Variants in PLA2R1 observed in about 807,000 individuals in gnomAD.
The protein encoded by PLA2R1 is phospholipase A2 receptor 1.
Under a neutral mutation model 195.9 loss-of-function variants are expected in PLA2R1, and 158 were observed. That is an observed-to-expected ratio of 0.81 (90% CI 0.71 to 0.92). The LOEUF (loss-of-function observed/expected upper bound fraction) is 0.92. Among genes scored for constraint, PLA2R1 ranks in the 40% least tolerant of loss-of-function variants. The pLI is 0.00. For synonymous variants in PLA2R1, 586 were observed against 598.2 expected, an observed-to-expected ratio of 0.98 and a Z score of 0.30; for missense variants, 1,626 against 1,764.6, an observed-to-expected ratio of 0.92 and a Z score of 1.41.
intron 6 of PLA2R1, among the ~76,000 whole-genome samples, chr2:160,025,588 C>CAAAAA (rs56365741): frequency 1.4e-3 from 74 of 52,852 alleles, no homozygotes; most frequent in South Asian, 1.8e-3. Flanking sequence ...AACCATAAAG[C>CAAAAA]AAAAAAAAAA....
intron 20 of PLA2R1, among the ~76,000 whole-genome samples, chr2:159,964,484 C>G (rs545717363): frequency 6.6e-6 from 1 of 152,218 alleles, no homozygotes; most frequent in East Asian, 1.9e-4. Flanking sequence ...TGAATATTAG[C>G]TACAAGTTTC....
At chr2:160,060,608 C>G (rs1191153298) in intron 1 of PLA2R1, among the ~76,000 whole-genome samples, 1 of 152,170 alleles carries the variant, frequency 6.6e-6, no homozygotes, top group Non-Finnish European at 1.5e-5. Context: ...CAAATTGCAC[C>G]TAGTAGGTAC....
At chr2:159,929,483 CA>C (rs1686542469), downstream of PLA2R1, among the ~76,000 whole-genome samples, 1 of 135,380 alleles carries the variant, frequency 7.4e-6, no homozygotes, top group Non-Finnish European at 1.7e-5. Context: ...TGGCCATAAC[CA>C]AAAAAATATA....
intron 10 of PLA2R1, among the ~76,000 whole-genome samples, chr2:160,006,927 T>G (rs28634122): frequency 0.76 from 114,486 of 151,570 alleles, 43,566 homozygotes; most frequent in East Asian, 0.88. Flanking sequence ...GAGAAAAGAA[T>G]AAAAAGAAGT....
rs1484064802 is a variant in PLA2R1 at position 159,969,378 on chromosome 2, T to C, written c.2661-19A>G. 1.5e-6 allele frequency: 2 copies of C among 1,347,498 alleles called. No individual in the cohort carries two copies. The highest frequency in any genetic ancestry group is 2.1e-6 in the Non-Finnish European group (2 of 939,386). 83.5% of individuals were successfully genotyped at this position (1,347,498 alleles called of 1,614,324 possible). A position where few individuals can be genotyped will look rare whatever the true frequency, so the allele number is the denominator to read the frequency against. ...TCTCCAGCTGTGGGAAGATTAAAAA[T>C]GTTAAGGTCTTCTCTCATTCTGCAT... is the stretch of plus-strand genomic sequence containing the variant. On this transcript the variant is annotated intron_variant, in intron 18 of 29. Coordinates refer to ENST00000283243, the MANE Select transcript of PLA2R1 (RefSeq NM_007366.5).
chr2:159,954,067 C>T (rs1687930874), intron 23 of PLA2R1, among the ~76,000 whole-genome samples: 1 of 152,168 alleles, frequency 6.6e-6, no homozygotes, highest in African/African-American at 2.4e-5. Context: ...CTCCTGAGCT[C>T]AGTCAATCCA....
intron 6 of PLA2R1, among the ~76,000 whole-genome samples, chr2:160,026,927 A>G (rs1693558655): frequency 6.6e-6 from 1 of 152,216 alleles, no homozygotes; most frequent in African/African-American, 2.4e-5. Context: ...TCAGGTCAGG[A>G]GTTCGAGACC....
intron 7 of PLA2R1, 40 bp downstream of exon 7, chr2:160,022,625 A>C (rs918814755): frequency 1.6e-6 from 2 of 1,232,272 alleles, no homozygotes; most frequent in Non-Finnish European, 2.3e-6. Context: ...TTACTACATT[A>C]TATTTTATGC....
At chr2:160,003,062 A>G (rs1691712345) in intron 11 of PLA2R1, among the ~76,000 whole-genome samples, 1 of 152,026 alleles carries the variant, frequency 6.6e-6, no homozygotes, top group Non-Finnish European at 1.5e-5. Context: ...ACAGAAAATG[A>G]GAATGTAGGT....
At chr2:159,990,444 G>T (rs997894023) in intron 11 of PLA2R1, among the ~76,000 whole-genome samples, 1 of 152,146 alleles carries the variant, frequency 6.6e-6, no homozygotes, top group Non-Finnish European at 1.5e-5. Flanking sequence ...CCACCTCCCT[G>T]TTCAAATACC....
At chr2:160,029,868 G>A (rs1693753951) in intron 4 of PLA2R1, among the ~76,000 whole-genome samples, 1 of 152,178 alleles carries the variant, frequency 6.6e-6, no homozygotes, top group South Asian at 2.1e-4. Context: ...ATAAAGGAGA[G>A]CATTGTTCGC....
intron 14 of PLA2R1, 29 bp downstream of exon 14, chr2:159,979,801 T>C (rs201717640): frequency 1.3e-5 from 17 of 1,325,798 alleles, no homozygotes; most frequent in Non-Finnish European, 1.8e-5. Flanking sequence ...TTTGAATCCA[T>C]CCCTTTTCTC....
At chr2:160,044,456 G>A (rs928523402) in intron 2 of PLA2R1, among the ~76,000 whole-genome samples, 49 of 151,950 alleles carry the variant, frequency 3.2e-4, no homozygotes, top group African/African-American at 1.0e-3. Flanking sequence ...TCCTTCCACC[G>A]TCCTTTTCTC....
At chr2:159,998,003 G>C (rs981149667) in intron 11 of PLA2R1, among the ~76,000 whole-genome samples, 1 of 151,986 alleles carries the variant, frequency 6.6e-6, no homozygotes, top group African/African-American at 2.4e-5. Context: ...AATATCAGGA[G>C]GTCTAAAGGA....
chr2:159,976,133 G>A lies in PLA2R1; in HGVS notation c.2530C>T (p.His844Tyr). The A allele has an allele frequency of 1.9e-6, 3 of 1,612,524 alleles. No individual in the cohort carries two copies. The highest frequency in any genetic ancestry group is 2.5e-6 in the Non-Finnish European group (3 of 1,178,698). ...LNFEFVCSWL[H>Y]SDLLTIHSAH... is the part of the protein sequence containing the mutation. ...GAATGAATTGTGAGAAGATCACTGT[G>A]CAGCCAGCTACAGACAAACTCAAAG... The change falls in exon 17 of 30, where the codon CAC becomes TAC. Residue 844 changes from histidine to tyrosine, a missense_variant. Coordinates refer to ENST00000283243, the MANE Select transcript of PLA2R1 (RefSeq NM_007366.5).
At chr2:159,980,587 C>T (rs1398672110) in intron 13 of PLA2R1, among the ~76,000 whole-genome samples, 1 of 152,112 alleles carries the variant, frequency 6.6e-6, no homozygotes, top group Non-Finnish European at 1.5e-5. Flanking sequence ...GCCAGTCACC[C>T]TGAGCCATGG....
At chr2:159,945,911 T>C (rs1043006612) in intron 27 of PLA2R1, 12 of 767,870 alleles carry the variant, frequency 1.6e-5, no homozygotes, top group Non-Finnish European at 1.9e-5. Context: ...AAATATTCCA[T>C]ATATATATAT....
rs185208700 is a variant in PLA2R1, at chr2:160,046,596, A to G, written c.110-1439T>C. Among the ~76,000 whole-genome samples, 4 of 152,296 alleles carry G rather than the reference A, an allele frequency of 2.6e-5. No homozygotes were observed. In the East Asian group the frequency reaches 7.7e-4, roughly 29 times the overall value. ...TCACTTAAGATACTGTTTCAAAAAGATTGTCAATGTATTAATAAATGGTAT... is the reference window on the plus strand; with the variant it reads ...TCACTTAAGATACTGTTTCAAAAAGGTTGTCAATGTATTAATAAATGGTAT... On this transcript the variant is annotated intron_variant, in intron 1 of 29. Coordinates refer to ENST00000283243, the MANE Select transcript of PLA2R1 (RefSeq NM_007366.5).
intron 7 of PLA2R1, among the ~76,000 whole-genome samples, chr2:160,022,299 C>T (rs1015785774): frequency 2.6e-5 from 4 of 151,610 alleles, no homozygotes; most frequent in African/African-American, 9.7e-5. Context: ...AATTATTTGC[C>T]TAAGGGGTTC....
Sources: gnomAD v4.1 joint callset for allele counts (sites outside exome capture counted in the v4.1 genomes callset) on GRCh38, gnomAD v4.1.1 for gene constraint, MANE v1.5 for transcripts, NCBI Gene and HGNC (gene_info 2026-07-23, HGNC 2026-07-21) for gene names.